GRID1: variants seen among roughly 807,000 people sequenced by gnomAD.
GRID1 encodes glutamate receptor ionotropic, delta-1.
Under a neutral mutation model 98.0 loss-of-function variants are expected in GRID1, and 28 were observed. That is an observed-to-expected ratio of 0.29 (90% confidence interval 0.21 to 0.39). GRID1 has a LOEUF of 0.39. GRID1 is among the 10% of genes least tolerant of loss of function. The pLI is 1.00. For missense variants in GRID1, 1,111 were observed against 1,340.5 expected, an observed-to-expected ratio of 0.83 and a Z score of 2.67; for synonymous variants, 553 against 538.5, an observed-to-expected ratio of 1.03 and a Z score of -0.37.
At chr10:85,752,629 T>G (rs1175970338) in intron 8 of GRID1, among the ~76,000 whole-genome samples, 4 of 152,172 alleles carry the variant, frequency 2.6e-5, no homozygotes, top group Admixed American at 2.6e-4. Context: ...GATTTGATAT[T>G]TTAAATATTC....
chr10:86,035,135 C>G (rs1289632098), intron 4 of GRID1, among the ~76,000 whole-genome samples: 1 of 152,130 alleles, frequency 6.6e-6, no homozygotes, highest in Non-Finnish European at 1.5e-5. Flanking sequence ...CTATAACCAC[C>G]CTCTCACTAG....
In GRID1 at chr10:86,336,088, G is replaced by C. The variant is rs559478969; in HGVS notation, c.235+27853C>G. Reference sequence around the variant, plus strand: ...AACATTGAAGACAGAAGGGCGGCAGGGGCTGCTCCACTCCACCTTTCTGAA... The same window carrying C: ...AACATTGAAGACAGAAGGGCGGCAGCGGCTGCTCCACTCCACCTTTCTGAA... On this transcript the variant is annotated intron_variant, in intron 2 of 15. Coordinates refer to ENST00000327946, the MANE Select transcript of GRID1 (RefSeq NM_017551.3). Among the ~76,000 whole-genome samples, 4 of 152,320 alleles carry C rather than the reference G, an allele frequency of 2.6e-5. No homozygotes were observed. The East Asian group carries it at 7.7e-4, about 29-fold the overall frequency.
intron 4 of GRID1, among the ~76,000 whole-genome samples, chr10:86,034,911 T>C (rs1272522681): frequency 7.3e-6 from 1 of 136,364 alleles, no homozygotes; most frequent in Non-Finnish European, 1.6e-5. Flanking sequence ...GGTGGATGGA[T>C]GGATGGATGG....
chr10:85,618,749 G>A lies in GRID1; in HGVS notation c.2360+1118C>T, dbSNP rs996351778. ...TCTGGACATCTAGAGTGTGAGAGAA[G>A]GGAGGTCGTGGTGCTTGGAGATCCA... On this transcript the variant is annotated intron_variant, in intron 14 of 15. Coordinates refer to ENST00000327946, the MANE Select transcript of GRID1 (RefSeq NM_017551.3). 1.5e-4 allele frequency among the ~76,000 whole-genome samples: 23 copies of A among 152,132 alleles called. 1 individual carries two copies. The highest frequency in any genetic ancestry group is 5.6e-4 in the African/African-American group (23 of 41,440).
At chr10:86,362,171 T>C (rs1848608293) in intron 2 of GRID1, among the ~76,000 whole-genome samples, 3 of 152,276 alleles carry the variant, frequency 2.0e-5, no homozygotes, top group Middle Eastern at 3.4e-3. Context: ...AGAATGAATG[T>C]CAACAGAGAT....
intron 4 of GRID1, among the ~76,000 whole-genome samples, chr10:86,079,849 G>A (rs371862745): frequency 2.6e-4 from 40 of 152,256 alleles, no homozygotes; most frequent in Admixed American, 1.4e-3. Flanking sequence ...TTCTTTAAGC[G>A]GACGTTATTT....
chr10:86,070,671 C>T (rs1843790512), intron 4 of GRID1, among the ~76,000 whole-genome samples: 1 of 152,218 alleles, frequency 6.6e-6, no homozygotes, highest in Admixed American at 6.5e-5. Context: ...GACCCAGACA[C>T]TTCTTCCTGG....
At chr10:85,858,299 A>T (rs1843132945) in intron 6 of GRID1, among the ~76,000 whole-genome samples, 1 of 152,108 alleles carries the variant, frequency 6.6e-6, no homozygotes, top group African/African-American at 2.4e-5. Flanking sequence ...GGGGAGTAGA[A>T]GGTCAGTGCC....
At chr10:86,133,585 GC>G (rs1160552228) in intron 4 of GRID1, among the ~76,000 whole-genome samples, 1 of 152,192 alleles carries the variant, frequency 6.6e-6, no homozygotes, top group African/African-American at 2.4e-5. Context: ...TGATGTGCTG[GC>G]CTAGGAGTTG....
intron 4 of GRID1, among the ~76,000 whole-genome samples, chr10:86,108,372 A>G (rs1318890598): frequency 1.3e-5 from 2 of 152,216 alleles, no homozygotes; most frequent in African/African-American, 4.8e-5. Flanking sequence ...TAAACAAAAA[A>G]AGTGCTCAGA....
chr10:85,900,678 A>G (rs186823711), intron 5 of GRID1, among the ~76,000 whole-genome samples: 80 of 152,312 alleles, frequency 5.3e-4, no homozygotes, highest in African/African-American at 1.7e-3. Context: ...TGGCTCCCAC[A>G]GCCTTGGCTG....
intron 4 of GRID1, among the ~76,000 whole-genome samples, chr10:85,934,413 GACACAC>G (rs5786728): frequency 0.12 from 16,861 of 141,326 alleles, 1,746 homozygotes; most frequent in African/African-American, 0.28. Context: ...GCAGAGATTG[GACACAC>G]ACACACACAC....
intron 4 of GRID1, among the ~76,000 whole-genome samples, chr10:86,078,657 G>A (rs979859877): frequency 2.0e-5 from 3 of 152,336 alleles, no homozygotes; most frequent in African/African-American, 4.8e-5. Context: ...CTTCAGCACC[G>A]GACCCTTCCA....
intron 4 of GRID1, among the ~76,000 whole-genome samples, chr10:85,939,922 C>T (rs1841976035): frequency 6.6e-6 from 1 of 151,990 alleles, no homozygotes; most frequent in Non-Finnish European, 1.5e-5. Context: ...AAAAAATTAG[C>T]TGGGCATGGT....
chr10:86,275,802 C>T (rs1847260283), intron 2 of GRID1, among the ~76,000 whole-genome samples: 1 of 152,062 alleles, frequency 6.6e-6, no homozygotes, highest in African/African-American at 2.4e-5. Flanking sequence ...AGCAGACTAA[C>T]ATACTCATTA....
chr10:86,138,666 C>G (rs577978286), intron 4 of GRID1, among the ~76,000 whole-genome samples, 153 bp downstream of exon 4: 259 of 152,330 alleles, frequency 1.7e-3, no homozygotes, highest in Middle Eastern at 6.8e-3. Flanking sequence ...GAGAATCCCC[C>G]CTTACAGGCT....
intron 14 of GRID1, among the ~76,000 whole-genome samples, chr10:85,616,456 T>C (rs1842790061): frequency 6.6e-6 from 1 of 152,162 alleles, no homozygotes. Context: ...ATGGTGGTTG[T>C]GGGGTCAGAT....
At chr10:85,947,348 G>A (rs1230199666) in intron 4 of GRID1, among the ~76,000 whole-genome samples, 3 of 152,230 alleles carry the variant, frequency 2.0e-5, no homozygotes, top group South Asian at 2.1e-4. Flanking sequence ...GTGGTGTGGG[G>A]TGGGGAGAAT....
At chr10:86,161,871 C>T (rs574468857) in intron 3 of GRID1, among the ~76,000 whole-genome samples, 1 of 152,284 alleles carries the variant, frequency 6.6e-6, no homozygotes, top group Admixed American at 6.5e-5. Context: ...GGAAATCAAA[C>T]AAAAATTACA....
Sources: allele counts gnomAD v4.1 joint callset (sites outside exome capture counted in the v4.1 genomes callset), GRCh38; gene constraint gnomAD v4.1.1; transcripts MANE v1.5; gene names NCBI Gene and HGNC (gene_info 2026-07-23, HGNC 2026-07-21).